The following UTRN variants were observed in gnomAD, a reference collection of about 807,000 sequenced individuals.
The protein encoded by UTRN is utrophin.
Under a neutral mutation model 463.9 loss-of-function variants are expected in UTRN, and 283 were observed. The ratio of observed to expected loss-of-function variants is 0.61; its 90% confidence interval spans 0.55 to 0.67. The LOEUF (loss-of-function observed/expected upper bound fraction) is 0.67. Ranked by LOEUF, UTRN falls within the 30% of genes least tolerant of loss-of-function variation. The pLI, the probability that UTRN is intolerant of heterozygous loss-of-function variation, is 0.00. For synonymous variants in UTRN, 1,442 were observed against 1,431.5 expected (o/e 1.01, Z -0.17); for missense variants, 3,922 against 4,084.3 (o/e 0.96, Z 1.08).
intron 51 of UTRN, among the ~76,000 whole-genome samples, chr6:144,664,240 A>G (rs1214029179): frequency 6.6e-6 from 1 of 152,168 alleles, no homozygotes; most frequent in African/African-American, 2.4e-5. Context: ...TGTCAGGGGA[A>G]GAAATTGGGA....
chr6:144,786,519 C>T (rs1038589887), intron 61 of UTRN, among the ~76,000 whole-genome samples: 33 of 152,018 alleles, frequency 2.2e-4, no homozygotes, highest in African/African-American at 7.2e-4. Context: ...TTCCTGACCT[C>T]GTGATCCACC....
chr6:144,428,787 C>T lies in UTRN; in HGVS notation c.588C>T (p.Leu196=). Reference sequence around the variant, plus strand: ...TTTGCATGGTTTTCAGACCTGATCTCTTCAGCTGGGATAAAGTTGTCAAAA... The same window carrying T: ...TTTGCATGGTTTTCAGACCTGATCTTTTCAGCTGGGATAAAGTTGTCAAAA... The part of the protein sequence containing the change: ...NAVLHRHKPD[L]FSWDKVVKMS... Residue 196 remains leucine, a synonymous_variant, in exon 8 of 75, where the codon CTC becomes CTT. Coordinates refer to ENST00000367545, the MANE Select transcript of UTRN (RefSeq NM_007124.3). 6.2e-7 allele frequency: 1 copy of T among 1,605,648 alleles called. No individual in the cohort carries two copies. The highest frequency in any genetic ancestry group is 1.1e-5 in the South Asian group (1 of 89,570).
chr6:144,506,564 T>G (rs1457878569), intron 34 of UTRN, among the ~76,000 whole-genome samples: 8 of 152,224 alleles, frequency 5.3e-5, no homozygotes, highest in Admixed American at 5.2e-4. Context: ...AAAATTCTTT[T>G]CTTTAAGAAT....
chr6:144,654,877 C>G (rs1208702127), intron 51 of UTRN, among the ~76,000 whole-genome samples: 2 of 152,200 alleles, frequency 1.3e-5, no homozygotes, highest in Non-Finnish European at 2.9e-5. Flanking sequence ...AATTCAGAAG[C>G]AAATCAGCTG....
At chr6:144,532,484 A>ACT (rs1349939800) in intron 42 of UTRN, among the ~76,000 whole-genome samples, 1 of 152,002 alleles carries the variant, frequency 6.6e-6, no homozygotes, top group Non-Finnish European at 1.5e-5. Flanking sequence ...CCATCAGATC[A>ACT]CTCTCACTAG....
chr6:144,339,626 AAG>A (rs1381295102), intron 2 of UTRN, among the ~76,000 whole-genome samples: 1 of 152,144 alleles, frequency 6.6e-6, no homozygotes, highest in African/African-American at 2.4e-5. Context: ...AAATAAGAAA[AAG>A]AGGTGTTTGT....
chr6:144,537,737 C>G lies in UTRN; in HGVS notation c.6369+20C>G. ...TTAAGAGTAAGTTGTTTATTTCTGT[C>G]TATATGCCTTTTGGTGCCCGAACAT... On this transcript the variant is annotated intron_variant, in intron 44 of 74. Coordinates refer to ENST00000367545, the MANE Select transcript of UTRN (RefSeq NM_007124.3). 1 of 1,604,156 alleles carries G rather than the reference C, an allele frequency of 6.2e-7. No homozygotes were observed. The highest frequency in any genetic ancestry group is 8.5e-7 in the Non-Finnish European group (1 of 1,175,868).
At chr6:144,484,170 C>T (rs565499750) in intron 27 of UTRN, among the ~76,000 whole-genome samples, 9 of 152,308 alleles carry the variant, frequency 5.9e-5, no homozygotes, top group South Asian at 4.1e-4. Context: ...GGTCCCTGCT[C>T]TGGAAACCTC....
intron 62 of UTRN, among the ~76,000 whole-genome samples, chr6:144,791,928 A>T (rs1010418870): frequency 3.9e-5 from 6 of 152,190 alleles, no homozygotes; most frequent in Admixed American, 3.9e-4. Flanking sequence ...ATTATTATAC[A>T]TATGCATCAA....
chr6:144,833,755 A>C (rs1359364533), intron 69 of UTRN, among the ~76,000 whole-genome samples: 1 of 152,090 alleles, frequency 6.6e-6, no homozygotes, highest in Non-Finnish European at 1.5e-5. Context: ...TGTGTAATTC[A>C]CTGCAGCTCA....
intron 1 of UTRN, among the ~76,000 whole-genome samples, chr6:144,289,299 A>G (rs1383908280): frequency 6.6e-6 from 1 of 152,176 alleles, no homozygotes; most frequent in Non-Finnish European, 1.5e-5. Flanking sequence ...TGAATCTCTC[A>G]TATCCAATCA....
chr6:144,724,594 C>A (rs1562820858), intron 53 of UTRN, among the ~76,000 whole-genome samples: 1 of 152,074 alleles, frequency 6.6e-6, no homozygotes, highest in East Asian at 1.9e-4. Flanking sequence ...CCTCCCCTCC[C>A]TCCCCAGTTC....
rs1208569655 is a variant in UTRN, at chr6:144,827,657, A to G, written c.9580A>G (p.Ile3194Val). The G allele has an allele frequency of 9.9e-6, 16 of 1,613,598 alleles. No individual in the cohort carries two copies. The highest frequency in any genetic ancestry group is 1.7e-5 in the Admixed American group (1 of 59,968). The change falls in exon 68 of 75, where the codon ATA (isoleucine) becomes GTA (valine). Residue 3194 changes from isoleucine to valine, a missense_variant. By Grantham distance (29) the Ile-to-Val change is conservative (BLOSUM62 3). Coordinates refer to ENST00000367545, the MANE Select transcript of UTRN (RefSeq NM_007124.3). ...GTTTCATGATGACACCCATTCAAGA[A>G]TAGAACAATATGCCACACGGTAAGA... is the stretch of plus-strand genomic sequence containing the variant. ...QLFHDDTHSR[I>V]EQYATRLAQM...
chr6:144,462,438 G>A (rs1789516979), intron 22 of UTRN, among the ~76,000 whole-genome samples: 1 of 152,128 alleles, frequency 6.6e-6, no homozygotes, highest in Admixed American at 6.5e-5. Context: ...TGAGATTGCT[G>A]GGTCAAATGG....
chr6:144,286,361 C>A lies in UTRN; in HGVS notation c.-93+540C>A, dbSNP rs1451564620. Among the ~76,000 whole-genome samples, 2 of 151,962 alleles carry A rather than the reference C, an allele frequency of 1.3e-5. No individual in the cohort carries two copies. Among genetic ancestry groups the A allele is most frequent in the Non-Finnish European group, 2.9e-5 (2 of 67,980 alleles). On this transcript the variant is annotated intron_variant, in intron 1 of 74. Transcript: ENST00000367545. This position sits in a 1 kb window ranked among gnomAD's most constrained non-coding sequence, Gnocchi z 4.4. Reference sequence around the variant, plus strand: ...GCCAGCGGAGCGCTTCCCAGCCAGCCGCCCGGCGGGGAACGTGCTTGACCT... The same window carrying A: ...GCCAGCGGAGCGCTTCCCAGCCAGCAGCCCGGCGGGGAACGTGCTTGACCT...
chr6:144,843,912 T>C (rs1489997029), intron 73 of UTRN, among the ~76,000 whole-genome samples: 4 of 152,250 alleles, frequency 2.6e-5, no homozygotes, highest in Non-Finnish European at 5.9e-5. Flanking sequence ...ACTATGCACA[T>C]TCACAAATAT....
At chr6:144,561,247 A>G in intron 50 of UTRN, among the ~76,000 whole-genome samples, 3 of 119,114 alleles carry the variant, frequency 2.5e-5, no homozygotes, top group East Asian at 5.9e-4. Flanking sequence ...ATATATATAT[A>G]TATATATATA....
intron 14 of UTRN, 27 bp from the exon 15 acceptor site, chr6:144,447,184 A>G (rs1787778781): frequency 1.3e-6 from 2 of 1,591,622 alleles, no homozygotes; most frequent in Non-Finnish European, 8.6e-7. Flanking sequence ...TTTGCAGATA[A>G]AGTTCAACTT....
At chr6:144,383,444 A>G (rs910369070) in intron 2 of UTRN, among the ~76,000 whole-genome samples, 1 of 152,240 alleles carries the variant, frequency 6.6e-6, no homozygotes, top group Non-Finnish European at 1.5e-5. Flanking sequence ...GTCTGTAGGT[A>G]GGCAACCCAG....
Sources: gnomAD v4.1 joint callset for allele counts (sites outside exome capture counted in the v4.1 genomes callset) on GRCh38, gnomAD v4.1.1 for gene constraint, Gnocchi (gnomAD v3.1) non-coding constraint, MANE v1.5 for transcripts, NCBI Gene and HGNC (gene_info 2026-07-23, HGNC 2026-07-21) for gene names.